The following HCN1 variants were observed in gnomAD, a reference collection of about 807,000 sequenced individuals.
HCN1 encodes potassium/sodium hyperpolarization-activated cyclic nucleotide-gated channel 1.
In HCN1, 13 loss-of-function variants were observed where a neutral mutation model predicts 78.9. The observed-to-expected ratio is 0.16, with a 90% CI of 0.11 to 0.26. The LOEUF is 0.26. HCN1 is among the 10% of genes least tolerant of loss of function. HCN1 has a pLI of 1.00. For synonymous variants in HCN1, 552 were observed against 455.5 expected (o/e 1.21, Z -2.70); for missense variants, 810 against 1,154.3 (o/e 0.70, Z 4.32).
At chr5:45,506,521 T>A (rs779976212) in intron 2 of HCN1, among the ~76,000 whole-genome samples, 108 of 152,180 alleles carry the variant, frequency 7.1e-4, no homozygotes, top group Non-Finnish European at 1.3e-3. Flanking sequence ...TAATAAAAAA[T>A]TTAAAAATGC....
chr5:45,400,641 A>C (rs535341120), intron 3 of HCN1, among the ~76,000 whole-genome samples: 16 of 152,080 alleles, frequency 1.1e-4, no homozygotes, highest in Admixed American at 3.3e-4. Context: ...CCATCACCTC[A>C]GGCGATCCAC....
chr5:45,611,436 T>G (rs1435909737), intron 2 of HCN1, among the ~76,000 whole-genome samples: 1 of 151,792 alleles, frequency 6.6e-6, no homozygotes, highest in Non-Finnish European at 1.5e-5. Context: ...CATGTTTGGC[T>G]AATGTTTGTA....
rs1744631174 is a variant in HCN1 at position 45,257,128 on chromosome 5, C to T, written c.*4793G>A. On this transcript the variant is annotated 3_prime_UTR_variant, in exon 8 of 8. Transcript: ENST00000303230. ...TTGCTGTGTCATAAATTATTTTATT[C>T]CTTGTTACATTAGCAAAACAGACAT... The T allele has an allele frequency of 6.6e-6, 1 of 152,138 alleles. No homozygotes were observed. The highest frequency in any genetic ancestry group is 6.5e-5 in the Admixed American group (1 of 15,270). 9.4% of individuals were successfully genotyped at this position (152,138 alleles called of 1,614,324 possible). A position where few individuals can be genotyped will look rare whatever the true frequency, so the allele number is the denominator to read the frequency against.
intron 2 of HCN1, among the ~76,000 whole-genome samples, chr5:45,537,555 T>C (rs1742993752): frequency 7.3e-6 from 1 of 136,852 alleles, no homozygotes. Context: ...TTTTTTTTTT[T>C]TGAGACAGAG....
chr5:45,445,931 A>C (rs185702786), intron 3 of HCN1, among the ~76,000 whole-genome samples: 241 of 152,286 alleles, frequency 1.6e-3, no homozygotes, highest in African/African-American at 5.4e-3. Context: ...AACCACAAAG[A>C]TGGGGAAAAA....
At chr5:45,349,105 T>C (rs931511534) in intron 5 of HCN1, among the ~76,000 whole-genome samples, 21 of 152,220 alleles carry the variant, frequency 1.4e-4, no homozygotes, top group South Asian at 4.1e-4. Context: ...TCTTCCAAAA[T>C]TGACCACATA....
intron 2 of HCN1, among the ~76,000 whole-genome samples, chr5:45,512,110 A>G (rs1742428333): frequency 6.6e-6 from 1 of 152,076 alleles, no homozygotes; most frequent in South Asian, 2.1e-4. Context: ...CAGCTTTTCT[A>G]GCTGGATTCC....
At chr5:45,347,552 C>A (rs142805628) in intron 5 of HCN1, among the ~76,000 whole-genome samples, 2 of 152,098 alleles carry the variant, frequency 1.3e-5, no homozygotes, top group African/African-American at 4.8e-5. Flanking sequence ...AGGCTTCAGA[C>A]GATCAAACTA....
At chr5:45,432,473 G>T (rs569944485) in intron 3 of HCN1, among the ~76,000 whole-genome samples, 1 of 151,844 alleles carries the variant, frequency 6.6e-6, no homozygotes, top group Non-Finnish European at 1.5e-5. Context: ...ATTGCTCTAG[G>T]ACTAGATTGC....
rs945853543 is a variant in HCN1 at position 45,353,126 on chromosome 5, T to C, written c.1351A>G (p.Asn451Asp). The change falls in exon 5 of 8, where the codon AAT becomes GAT. Residue 451 changes from asparagine to aspartate, a missense_variant. This residue lies in a region of HCN1 where 100 missense variants were observed against 126.8 expected (regional missense o/e 0.79). Coordinates refer to ENST00000303230, the MANE Select transcript of HCN1 (RefSeq NM_021072.4). The part of the protein sequence containing the change: ...GKIFDEENIL[N>D]ELNDPLREEI... ...TCTCTCAGAGGATCATTGAGTTCAT[T>C]GAGAATATTTTCCTCATCAAAGATT... is the stretch of plus-strand genomic sequence containing the variant. 8.7e-6 allele frequency: 14 copies of C among 1,611,110 alleles called. No individual in the cohort carries two copies. The highest frequency in any genetic ancestry group is 9.3e-6 in the Non-Finnish European group (11 of 1,178,036).
chr5:45,428,550 A>G (rs1740397374), intron 3 of HCN1, among the ~76,000 whole-genome samples: 1 of 152,142 alleles, frequency 6.6e-6, no homozygotes, highest in Non-Finnish European at 1.5e-5. Context: ...GTATTTAAGT[A>G]TTTAATAGCT....
At chr5:45,548,496 G>A (rs567122127) in intron 2 of HCN1, among the ~76,000 whole-genome samples, 17 of 151,934 alleles carry the variant, frequency 1.1e-4, no homozygotes, top group Admixed American at 7.9e-4. Flanking sequence ...GACATATCTC[G>A]AAATAATAAG....
chr5:45,570,155 G>A (rs561038369), intron 2 of HCN1, among the ~76,000 whole-genome samples: 25 of 151,710 alleles, frequency 1.6e-4, no homozygotes, highest in Admixed American at 6.6e-4. Flanking sequence ...ATCTTTTATC[G>A]ATATTTAATT....
chr5:45,378,238 T>A (rs1747730583), intron 4 of HCN1, among the ~76,000 whole-genome samples: 1 of 152,082 alleles, frequency 6.6e-6, no homozygotes, highest in Non-Finnish European at 1.5e-5. Context: ...ATCTTTGTCA[T>A]TATCCCTCAT....
intron 6 of HCN1, among the ~76,000 whole-genome samples, chr5:45,277,967 C>A (rs746811235): frequency 5.3e-5 from 8 of 152,170 alleles, no homozygotes; most frequent in African/African-American, 7.2e-5. Flanking sequence ...GATGGACAAT[C>A]TCACTTGCCA....
chr5:45,342,851 A>G (rs1746614950), intron 5 of HCN1, among the ~76,000 whole-genome samples: 1 of 152,188 alleles, frequency 6.6e-6, no homozygotes, highest in Middle Eastern at 3.2e-3. Flanking sequence ...AACATAGACG[A>G]AATGTTCCTT....
rs184469134 is a variant in HCN1, at chr5:45,548,109, C to G, written c.850-86102G>C. Among the ~76,000 whole-genome samples, 403 of 151,818 alleles carry G rather than the reference C, an allele frequency of 2.7e-3. 1 individual carries two copies. The highest frequency in any genetic ancestry group is 9.2e-3 in the African/African-American group (382 of 41,472). ...TAAGCCTCTACTAATTTCCTTTATT[C>G]AGATATTTAATAATTGTGTTTTAAT... On this transcript the variant is annotated intron_variant, in intron 2 of 7. Transcript: ENST00000303230.
chr5:45,317,948 C>T (rs186299440), intron 5 of HCN1, among the ~76,000 whole-genome samples: 27 of 152,198 alleles, frequency 1.8e-4, no homozygotes, highest in African/African-American at 6.0e-4. Flanking sequence ...GAAATAGGAA[C>T]ACTTTTACAC....
At chr5:45,642,083 C>A (rs190341762) in intron 2 of HCN1, 3 of 152,240 alleles carry the variant, frequency 2.0e-5, no homozygotes, top group Admixed American at 1.3e-4. Flanking sequence ...TTCACCTCAG[C>A]TTTCTAGCTA....
Sources: gnomAD v4.1 joint callset for allele counts (sites outside exome capture counted in the v4.1 genomes callset) on GRCh38, gnomAD v4.1.1 for gene constraint, gnomAD v4.1.1 regional missense constraint, MANE v1.5 for transcripts, NCBI Gene and HGNC (gene_info 2026-07-23, HGNC 2026-07-21) for gene names.